The following MXRA7 variants were observed in gnomAD, a reference collection of about 807,000 sequenced individuals.
The protein encoded by MXRA7 is matrix-remodeling-associated protein 7.
A neutral mutation model predicts 17.4 loss-of-function variants in MXRA7; 18 were observed. The ratio of observed to expected loss-of-function variants is 1.03; its 90% CI spans 0.71 to 1.53. MXRA7 has a LOEUF of 1.53. Ranked by LOEUF, MXRA7 falls within the 40% of genes most tolerant of loss-of-function variation. The probability of loss-of-function intolerance (pLI) is 0.00; values close to 1 mark genes in which losing one functional copy is unlikely to be tolerated. For missense variants in MXRA7, 141 were observed against 209.3 expected (o/e 0.67, Z 2.01); for synonymous variants, 70 against 101.7 (o/e 0.69, Z 1.87).
In MXRA7 at chr17:76,681,538, G is replaced by C. The variant is rs1185107360; in HGVS notation, c.501-659C>G. ...AGAACCAGAACTACCCCACAGCTGG[G>C]GTTCCTTGGCCTCCTCCTCCCCTTC... On this transcript the variant is annotated intron_variant, in intron 3 of 3. Coordinates refer to ENST00000449428, the MANE Select transcript of MXRA7 (RefSeq NM_198530.4). The surrounding 1 kb of genome is among the most constrained non-coding windows in gnomAD (Gnocchi z 4.7). Among the ~76,000 whole-genome samples the C allele has an allele frequency of 6.6e-6, 1 of 152,120 alleles. No homozygotes were observed. The highest frequency in any genetic ancestry group is 2.4e-5 in the African/African-American group (1 of 41,400).
In MXRA7 at chr17:76,700,769, A is replaced by T. The variant is rs143149609; in HGVS notation, c.342+9836T>A. Among the ~76,000 whole-genome samples the T allele has an allele frequency of 6.2e-4, 94 of 152,336 alleles. No homozygotes were observed. In the East Asian group the frequency reaches 0.018, roughly 29 times the overall value. ...TAAAAGATGACCTCAGACCGGATGA[A>T]GTGCTATGAAGAAAGCCAAACGTGA... On this transcript the variant is annotated intron_variant, in intron 1 of 3. Coordinates refer to ENST00000449428, the MANE Select transcript of MXRA7 (RefSeq NM_198530.4).
At chr17:76,693,475 C>CAAAAAAA (rs59677254) in intron 1 of MXRA7, among the ~76,000 whole-genome samples, 7 of 98,580 alleles carry the variant, frequency 7.1e-5, no homozygotes, top group Non-Finnish European at 9.3e-5. Context: ...AGATCTGTCT[C>CAAAAAAA]AAAAAAAAAA....
intron 1 of MXRA7, chr17:76,709,506 G>C (rs2076696351): frequency 6.6e-6 from 1 of 152,632 alleles, no homozygotes; most frequent in South Asian, 2.1e-4. Context: ...ACTCAGCAAA[G>C]AGAAATGCCT....
At chr17:76,706,327 A>C (rs77172805) in intron 1 of MXRA7, among the ~76,000 whole-genome samples, 7,605 of 21,070 alleles carry the variant, frequency 0.36, 2,236 homozygotes, top group East Asian at 0.41. Flanking sequence ...ATCACAAAGG[A>C]CCACGCTGCC....
chr17:76,704,044 G>A (rs62085145), intron 1 of MXRA7, among the ~76,000 whole-genome samples: 18,655 of 146,832 alleles, frequency 0.13, 1,528 homozygotes, highest in African/African-American at 0.23. Flanking sequence ...CGGAGGTTGC[G>A]GTGAGCTAAG....
chr17:76,690,064 ACAT>A, intron 1 of MXRA7: 1 of 151,970 alleles, frequency 6.6e-6, no homozygotes, highest in East Asian at 1.9e-4. Flanking sequence ...CATGAAAAGT[ACAT>A]CAAGATAAAT....
intron 2 of MXRA7, among the ~76,000 whole-genome samples, chr17:76,686,277 G>A (rs1398317389): frequency 6.6e-6 from 1 of 152,136 alleles, no homozygotes; most frequent in Non-Finnish European, 1.5e-5. Context: ...CCAGGAGTTC[G>A]AGACCAACCT....
chr17:76,688,300 A>AGCGCCTGCCCTGTGGTC, intron 1 of MXRA7, 124 bp from the exon 2 acceptor site: 1 of 1,505,056 alleles, frequency 6.6e-7, no homozygotes, highest in Non-Finnish European at 8.9e-7. Context: ...GCCCTGTGGC[A>AGCGCCTGCCCTGTGGTC]GCGCCTGCCC....
At chr17:76,698,630 A>C (rs2076559645) in intron 1 of MXRA7, among the ~76,000 whole-genome samples, 1 of 150,094 alleles carries the variant, frequency 6.7e-6, no homozygotes. Context: ...TCACTTGTCC[A>C]GTTTTTCTTG....
intron 1 of MXRA7, chr17:76,688,679 C>T (rs2076440151): frequency 8.1e-7 from 1 of 1,238,422 alleles, no homozygotes; most frequent in Admixed American, 4.2e-5. Context: ...CCTCTTCAGC[C>T]AGTTCTCTCC....
chr17:76,683,882 C>T, intron 3 of MXRA7: 2 of 1,614,166 alleles, frequency 1.2e-6, no homozygotes, highest in South Asian at 2.2e-5. Context: ...GGCTCAGGAC[C>T]TAAGGAACTT....
intron 1 of MXRA7, among the ~76,000 whole-genome samples, chr17:76,708,593 CCTTT>C (rs758747986): frequency 6.6e-6 from 1 of 152,190 alleles, no homozygotes; most frequent in African/African-American, 2.4e-5. Context: ...AATTTGTTTT[CCTTT>C]CTTTTTTTTC....
intron 1 of MXRA7, chr17:76,688,723 A>G: frequency 8.2e-7 from 1 of 1,215,732 alleles, no homozygotes. Context: ...TGATCAGAGG[A>G]ATGGCCCGGG....
intron 1 of MXRA7, among the ~76,000 whole-genome samples, chr17:76,698,807 C>T (rs539557439): frequency 1.4e-4 from 21 of 150,622 alleles, no homozygotes; most frequent in African/African-American, 4.9e-4. Context: ...ACTGCAACCT[C>T]CGCCTCCCGG....
Position 76,688,166 on chromosome 17 carries a change from T to G in MXRA7, c.353A>C (p.Gln118Pro), listed in dbSNP as rs2076425530. 1 of 1,614,170 alleles carries G rather than the reference T, an allele frequency of 6.2e-7. No homozygotes were observed. Among genetic ancestry groups the G allele is most frequent in the Non-Finnish European group, 8.5e-7 (1 of 1,180,010 alleles). ...TGGCCCCTTCTCACCATCCAAGTCC[T>G]GCTCCTCTTCCTGCAAGACAAGGAC... ...QAVEARQEEE[Q>P]DLDGEKGPSS... Residue 118 changes from glutamine to proline, a missense_variant, in exon 2 of 4, where the codon CAG becomes CCG. Gln to Pro is a moderately conservative substitution (Grantham distance 76). Coordinates refer to ENST00000449428, the MANE Select transcript of MXRA7 (RefSeq NM_198530.4).
downstream of MXRA7, chr17:76,677,780 G>T: frequency 2.0e-6 from 2 of 1,011,792 alleles, no homozygotes; most frequent in East Asian, 2.4e-5. Flanking sequence ...TGCAGCCGGC[G>T]GAGTTGGGAC....
chr17:76,673,465 T>C (rs1283181984), exon 4 of MXRA7: 2 of 152,214 alleles, frequency 1.3e-5, no homozygotes, highest in Non-Finnish European at 2.9e-5. Context: ...GCAGCCTGAT[T>C]CCATGTGGAC....
At chr17:76,684,001 G>C (rs748773919) in intron 3 of MXRA7, 17 of 1,155,804 alleles carry the variant, frequency 1.5e-5, no homozygotes, top group Admixed American at 5.1e-5. Flanking sequence ...CGGGGCTCCT[G>C]CCAGGGCTCT....
At chr17:76,679,390 C>T (rs2076269261), downstream of MXRA7, among the ~76,000 whole-genome samples, 1 of 151,948 alleles carries the variant, frequency 6.6e-6, no homozygotes, top group African/African-American at 2.4e-5. Context: ...TGAGTGAACA[C>T]AGATCATGTC....
Sources: allele counts gnomAD v4.1 joint callset (sites outside exome capture counted in the v4.1 genomes callset), GRCh38; gene constraint gnomAD v4.1.1; non-coding constraint Gnocchi (gnomAD v3.1); transcripts MANE v1.5; gene names NCBI Gene and HGNC (gene_info 2026-07-23, HGNC 2026-07-21).